Variants in NTM observed in about 807,000 individuals in gnomAD.
NTM encodes the protein IgLON family member 2.
Under a neutral mutation model 42.1 loss-of-function variants are expected in NTM, and 13 were observed. That is an observed-to-expected ratio of 0.31 (90% CI 0.20 to 0.49). The LOEUF (loss-of-function observed/expected upper bound fraction) is 0.49. Among genes scored for constraint, NTM ranks in the 20% least tolerant of loss-of-function variants. NTM has a pLI of 0.99. For synonymous variants in NTM, 187 were observed against 179.2 expected, an observed-to-expected ratio of 1.04 and a Z score of -0.35; for missense variants, 373 against 452.8, an observed-to-expected ratio of 0.82 and a Z score of 1.60.
chr11:131,712,489 T>C (rs553164731), intron 1 of NTM, among the ~76,000 whole-genome samples: 4 of 152,272 alleles, frequency 2.6e-5, no homozygotes, highest in African/African-American at 9.6e-5. Context: ...TAAAATGAAA[T>C]GTGAGCAGTT....
At chr11:131,796,342 G>A (rs1490963547) in intron 1 of NTM, 1 of 182,792 alleles carries the variant, frequency 5.5e-6, no homozygotes, top group Non-Finnish European at 1.0e-5. Context: ...CGCGGAGCTG[G>A]GAGTTGGGCC....
At chr11:132,269,977 T>C (rs1290167131) in intron 4 of NTM, among the ~76,000 whole-genome samples, 1 of 152,214 alleles carries the variant, frequency 6.6e-6, no homozygotes, top group Non-Finnish European at 1.5e-5. Flanking sequence ...AATCAAAATA[T>C]AAAACCTCTC....
At chr11:131,417,159 C>T (rs1947044914) in intron 1 of NTM, among the ~76,000 whole-genome samples, 1 of 152,160 alleles carries the variant, frequency 6.6e-6, no homozygotes, top group African/African-American at 2.4e-5. Context: ...TCCTGACAAC[C>T]TCATGACAAG....
intron 2 of NTM, among the ~76,000 whole-genome samples, chr11:132,110,193 T>C (rs1381015636): frequency 2.0e-5 from 3 of 152,246 alleles, no homozygotes; most frequent in Non-Finnish European, 4.4e-5. Flanking sequence ...CTGTCTTTTG[T>C]GTGCTATACC....
chr11:132,131,878 T>C (rs1295770218), intron 2 of NTM, among the ~76,000 whole-genome samples: 1 of 152,056 alleles, frequency 6.6e-6, no homozygotes, highest in Non-Finnish European at 1.5e-5. Context: ...CCATTGAAGC[T>C]TAGGAAATGA....
intron 1 of NTM, among the ~76,000 whole-genome samples, chr11:131,844,849 T>G (rs2136721137): frequency 6.6e-6 from 1 of 152,330 alleles, no homozygotes; most frequent in South Asian, 2.1e-4. Context: ...ATATTAATTC[T>G]AATTAATCAT....
In NTM at chr11:131,598,683, T is replaced by TTTTCTTTC. The variant is rs199821939; in HGVS notation, c.82+227862_82+227869dup. Among the ~76,000 whole-genome samples the TTTTCTTTC allele has an allele frequency of 4.7e-3, 353 of 74,814 alleles. 41 individuals are homozygous for TTTTCTTTC. Among genetic ancestry groups the TTTTCTTTC allele is most frequent in the African/African-American group, 7.5e-3 (176 of 23,380 alleles). The allele number at this position is 74,814 out of a possible 152,430, so 49.1% of individuals were successfully genotyped here. On this transcript the variant is annotated intron_variant, in intron 1 of 8. Transcript: ENST00000683400. ...AGAACTACTACTCTCTTCTCATTTG[T>TTTTCTTTC]TTTCTTTCTTTCTTTCTTTCTTTCT...
At chr11:132,211,332 C>A (rs952686671) in intron 3 of NTM, among the ~76,000 whole-genome samples, 2 of 152,166 alleles carry the variant, frequency 1.3e-5, no homozygotes, top group African/African-American at 4.8e-5. Flanking sequence ...CATGGGAGGT[C>A]AAGGCTTCAG....
chr11:131,892,112 T>C (rs995539898), intron 1 of NTM, among the ~76,000 whole-genome samples: 4 of 152,112 alleles, frequency 2.6e-5, no homozygotes, highest in African/African-American at 9.7e-5. Flanking sequence ...CTGCTCCTCT[T>C]CTTCCTCCTC....
intron 2 of NTM, among the ~76,000 whole-genome samples, chr11:132,088,767 A>T (rs898121137): frequency 2.6e-5 from 4 of 152,180 alleles, no homozygotes; most frequent in Admixed American, 2.6e-4. Flanking sequence ...ATGCACAATG[A>T]CTTGTGTGGG....
At chr11:131,830,185 T>C (rs1048165680) in intron 1 of NTM, among the ~76,000 whole-genome samples, 2 of 152,238 alleles carry the variant, frequency 1.3e-5, no homozygotes, top group Non-Finnish European at 2.9e-5. Flanking sequence ...TTTGATTAAG[T>C]TCCACTTGTC....
intron 1 of NTM, among the ~76,000 whole-genome samples, chr11:131,569,093 C>T (rs2137068243): frequency 6.6e-6 from 1 of 152,198 alleles, no homozygotes; most frequent in Non-Finnish European, 1.5e-5. Context: ...TGCTCCAGTC[C>T]TAGGCAACCC....
At chr11:131,809,830 G>A (rs964333701) in intron 1 of NTM, among the ~76,000 whole-genome samples, 1 of 152,276 alleles carries the variant, frequency 6.6e-6, no homozygotes, top group Admixed American at 6.5e-5. Context: ...CCAAAGGTAG[G>A]TGAGCTATTG....
chr11:132,229,277 G>A (rs1341254486), intron 4 of NTM, among the ~76,000 whole-genome samples: 1 of 152,194 alleles, frequency 6.6e-6, no homozygotes, highest in African/African-American at 2.4e-5. Context: ...AGGGAACTGA[G>A]GCGCAGAGCA....
In NTM at chr11:131,745,304, C is replaced by T. The variant is rs377374732; in HGVS notation, c.83-166260C>T. ...GGAGGTGCCATTCAGGGAGGCTGAGCCGGGACAGGTGAAGGGCACTGCTCT... is the reference window on the plus strand; with the variant it reads ...GGAGGTGCCATTCAGGGAGGCTGAGTCGGGACAGGTGAAGGGCACTGCTCT... On this transcript the variant is annotated intron_variant, in intron 1 of 8. Transcript: ENST00000683400. 5.5e-4 allele frequency among the ~76,000 whole-genome samples: 84 copies of T among 152,274 alleles called. 1 individual carries two copies. The South Asian group carries it at 0.016, about 30-fold the overall frequency.
At position 131,689,221 on chromosome 11, in the gene NTM, G is replaced by T. The variant is rs563425169; in HGVS notation, c.83-222343G>T. The stretch of plus-strand genomic sequence containing the variant: ...TGCCTGTGGCTCAGCATGAGGCAGC[G>T]GGGAGGGCCCAGGACCAGAGCCAGG... On this transcript the variant is annotated intron_variant, in intron 1 of 8. Transcript: ENST00000683400. 6.3e-3 allele frequency among the ~76,000 whole-genome samples: 964 copies of T among 152,320 alleles called. 4 individuals carry two copies. Among genetic ancestry groups the T allele is most frequent in the Non-Finnish European group, 9.9e-3 (673 of 68,036 alleles).
At chr11:131,562,940 G>A (rs974005397) in intron 1 of NTM, among the ~76,000 whole-genome samples, 3 of 152,156 alleles carry the variant, frequency 2.0e-5, no homozygotes, top group African/African-American at 7.2e-5. Flanking sequence ...CATGAGGTCT[G>A]CAGACCTGGG....
intron 1 of NTM, among the ~76,000 whole-genome samples, chr11:131,868,649 C>T (rs2047461957): frequency 6.6e-6 from 1 of 152,184 alleles, no homozygotes; most frequent in African/African-American, 2.4e-5. Context: ...CCGTGCACAC[C>T]CTGAGCTCTG....
chr11:132,326,123 A>C (rs527975808), intron 7 of NTM, among the ~76,000 whole-genome samples: 1 of 152,184 alleles, frequency 6.6e-6, no homozygotes, highest in Non-Finnish European at 1.5e-5. Flanking sequence ...CATATGTAAC[A>C]AACCTGCACA....
Sources: allele counts gnomAD v4.1 joint callset (sites outside exome capture counted in the v4.1 genomes callset), GRCh38; gene constraint gnomAD v4.1.1; transcripts MANE v1.5; gene names NCBI Gene and HGNC (gene_info 2026-07-23, HGNC 2026-07-21).